VIT: variants seen among roughly 807,000 people sequenced by gnomAD.
VIT encodes the protein vitrin.
Under a neutral mutation model 78.0 loss-of-function variants are expected in VIT, and 99 were observed. That is an observed-to-expected ratio of 1.27 (90% CI 1.08 to 1.50). VIT has a LOEUF of 1.50. Among genes scored for constraint, VIT ranks in the 40% most tolerant of loss-of-function variants. VIT has a pLI of 0.00. For synonymous variants in VIT, 374 were observed against 334.3 expected, an observed-to-expected ratio of 1.12 and a Z score of -1.29; for missense variants, 1,126 against 875.3, an observed-to-expected ratio of 1.29 and a Z score of -3.61.
At chr2:36,796,368 C>A (rs1333756130) in intron 12 of VIT, among the ~76,000 whole-genome samples, 1 of 152,176 alleles carries the variant, frequency 6.6e-6, no homozygotes, top group African/African-American at 2.4e-5. Context: ...CTCACAGGAA[C>A]CAAACCTTGT....
At chr2:36,790,577 G>C (rs1260966816) in intron 12 of VIT, among the ~76,000 whole-genome samples, 1 of 152,216 alleles carries the variant, frequency 6.6e-6, no homozygotes, top group Non-Finnish European at 1.5e-5. Flanking sequence ...TCCAGGAATA[G>C]AGGCAGCTTT....
chr2:36,788,409 T>C (rs925660825), intron 12 of VIT, among the ~76,000 whole-genome samples: 1 of 152,218 alleles, frequency 6.6e-6, no homozygotes, highest in Non-Finnish European at 1.5e-5. Flanking sequence ...TACATTTGTG[T>C]TTTTAGAATT....
intron 3 of VIT, among the ~76,000 whole-genome samples, chr2:36,730,857 G>A (rs999052454): frequency 1.3e-5 from 2 of 152,182 alleles, no homozygotes; most frequent in Admixed American, 6.5e-5. Context: ...GGACTTTTAC[G>A]GACTCAGAAT....
chr2:36,805,927 G>C (rs1207567656), intron 14 of VIT, among the ~76,000 whole-genome samples: 1 of 152,078 alleles, frequency 6.6e-6, no homozygotes, highest in African/African-American at 2.4e-5. Context: ...CAGCCCCAGG[G>C]GGGGTCTCAC....
intron 12 of VIT, among the ~76,000 whole-genome samples, chr2:36,800,243 G>A (rs1377426905): frequency 3.9e-5 from 6 of 152,068 alleles, no homozygotes; most frequent in African/African-American, 7.2e-5. Context: ...TACTCGGGAG[G>A]TTGAGGCAAG....
chr2:36,706,472 G>C (rs188318750), intron 1 of VIT, among the ~76,000 whole-genome samples: 1 of 152,284 alleles, frequency 6.6e-6, no homozygotes, highest in East Asian at 1.9e-4. Flanking sequence ...AACCTGGAAA[G>C]TGGTGAGAAA....
intron 9 of VIT, among the ~76,000 whole-genome samples, chr2:36,780,754 A>G (rs543763356): frequency 6.6e-6 from 1 of 151,400 alleles, no homozygotes; most frequent in East Asian, 2.0e-4. Context: ...ATAGCCTTTA[A>G]GAAATAAAAC....
chr2:36,723,815 G>A (rs546806736), intron 2 of VIT, among the ~76,000 whole-genome samples: 284 of 152,146 alleles, frequency 1.9e-3, no homozygotes, highest in Non-Finnish European at 2.9e-3. Context: ...GCCAGGCACG[G>A]TGGCACACGT....
chr2:36,770,457 G>C (rs1669679174), intron 7 of VIT, among the ~76,000 whole-genome samples: 1 of 152,220 alleles, frequency 6.6e-6, no homozygotes, highest in African/African-American at 2.4e-5. Context: ...GCAGGTGGAA[G>C]GTGGGGCTGG....
chr2:36,699,629 G>GGT (rs1558495789), intron 1 of VIT, among the ~76,000 whole-genome samples: 104 of 144,518 alleles, frequency 7.2e-4, no homozygotes, highest in African/African-American at 2.6e-3. Flanking sequence ...TATATAGGTA[G>GGT]ATAGATAGAT....
At chr2:36,808,428 A>G in intron 14 of VIT, 44 bp from the exon 15 acceptor site, 1 of 1,559,610 alleles carries the variant, frequency 6.4e-7, no homozygotes, top group Non-Finnish European at 8.7e-7. Flanking sequence ...ACACTGGAGG[A>G]TTTGACCCTG....
At chr2:36,720,185 G>A (rs993744634) in intron 2 of VIT, among the ~76,000 whole-genome samples, 2 of 152,016 alleles carry the variant, frequency 1.3e-5, no homozygotes, top group East Asian at 1.9e-4. Context: ...AAAGGCCAAA[G>A]CAATCCTGAG....
chr2:36,744,796 G>T (rs976075445), intron 4 of VIT, among the ~76,000 whole-genome samples: 3 of 151,930 alleles, frequency 2.0e-5, no homozygotes, highest in Admixed American at 1.3e-4. Flanking sequence ...AGGTTCTTTT[G>T]CTGTGCAGAG....
rs1161582416 is a variant in VIT, at chr2:36,795,261, A to G, written c.1059-6040A>G. ...AGGAACTTTTGCAGTCATTTTTTGG[A>G]TATGTGTAGAGGTGGGGAAAAAGAA... On this transcript the variant is annotated intron_variant, in intron 12 of 15. Coordinates refer to ENST00000379242, the MANE Select transcript of VIT (RefSeq NM_053276.4). 2.6e-5 allele frequency among the ~76,000 whole-genome samples: 4 copies of G among 152,108 alleles called. No homozygotes were observed. The East Asian group carries it at 7.7e-4, about 29-fold the overall frequency.
At chr2:36,768,037 G>A (rs1029710468) in intron 7 of VIT, among the ~76,000 whole-genome samples, 1 of 152,056 alleles carries the variant, frequency 6.6e-6, no homozygotes, top group Admixed American at 6.5e-5. Flanking sequence ...TTTCAGGCTC[G>A]CCTCCAGCTT....
chr2:36,738,666 C>T (rs558073681), intron 3 of VIT, among the ~76,000 whole-genome samples: 1 of 152,016 alleles, frequency 6.6e-6, no homozygotes, highest in South Asian at 2.1e-4. Flanking sequence ...GGAACTGGGA[C>T]CTAAAAGATA....
intron 12 of VIT, among the ~76,000 whole-genome samples, chr2:36,792,556 C>G (rs1448843891): frequency 6.6e-6 from 1 of 152,126 alleles, no homozygotes; most frequent in Non-Finnish European, 1.5e-5. Flanking sequence ...CAGATGGGCA[C>G]CCTGATGCCC....
At chr2:36,701,577 G>A (rs756236787) in intron 1 of VIT, among the ~76,000 whole-genome samples, 8 of 152,144 alleles carry the variant, frequency 5.3e-5, no homozygotes, top group African/African-American at 9.7e-5. Context: ...AGGCTATAGT[G>A]AGAAGGCATT....
Position 36,787,562 on chromosome 2 carries a change from T to A in VIT, c.1058+286T>A, listed in dbSNP as rs1436705660. ...GGAAAACAGGAGAGATGCGTGTGAG[T>A]GTTAACTTAGCCAATAACCAGCTCT... On this transcript the variant is annotated intron_variant, in intron 12 of 15. Coordinates refer to ENST00000379242, the MANE Select transcript of VIT (RefSeq NM_053276.4). Among the ~76,000 whole-genome samples, 3 of 152,210 alleles carry A rather than the reference T, an allele frequency of 2.0e-5. No homozygotes were observed. In the East Asian group the frequency reaches 5.8e-4, roughly 29 times the overall value.
Sources: gnomAD v4.1 joint callset for allele counts (sites outside exome capture counted in the v4.1 genomes callset) on GRCh38, gnomAD v4.1.1 for gene constraint, MANE v1.5 for transcripts, NCBI Gene and HGNC (gene_info 2026-07-23, HGNC 2026-07-21) for gene names.